Variants in MRPL1 observed in about 807,000 individuals in gnomAD.
MRPL1 encodes mitochondrial ribosomal protein L1.
MRPL1 carries 28 observed loss-of-function variants against 38.0 expected under a neutral mutation model. The ratio of observed to expected loss-of-function variants is 0.74; its 90% CI spans 0.55 to 1.01. The LOEUF is 1.01. Among genes scored for constraint, MRPL1 ranks in the 50% least tolerant of loss-of-function variants. MRPL1 has a pLI of 0.00. For missense variants in MRPL1, 358 were observed against 389.8 expected (o/e 0.92, Z 0.69); for synonymous variants, 123 against 126.7 (o/e 0.97, Z 0.20).
chr4:77,875,817 T>G (rs984917439), intron 2 of MRPL1, among the ~76,000 whole-genome samples: 29 of 152,104 alleles, frequency 1.9e-4, no homozygotes, highest in African/African-American at 7.0e-4. Flanking sequence ...TTCCTTTGAG[T>G]GTGAATAGTG....
intron 1 of MRPL1, among the ~76,000 whole-genome samples, chr4:77,870,343 C>T (rs997063347): frequency 1.3e-5 from 2 of 152,108 alleles, no homozygotes; most frequent in Non-Finnish European, 2.9e-5. Flanking sequence ...TGCCAAGCTT[C>T]GAATGGATAA....
chr4:77,948,583 T>C (rs564228711), intron 7 of MRPL1, among the ~76,000 whole-genome samples: 1 of 152,198 alleles, frequency 6.6e-6, no homozygotes, highest in African/African-American at 2.4e-5. Context: ...GGGTGTTGAA[T>C]AAATGCTGTT....
chr4:77,950,911 C>T (rs1737393898), intron 8 of MRPL1, among the ~76,000 whole-genome samples: 1 of 152,220 alleles, frequency 6.6e-6, no homozygotes, highest in Non-Finnish European at 1.5e-5. Flanking sequence ...CACTCTGTCA[C>T]CCAGGCTGGA....
At chr4:77,880,144 T>C (rs558616411) in intron 2 of MRPL1, among the ~76,000 whole-genome samples, 41 of 152,294 alleles carry the variant, frequency 2.7e-4, no homozygotes, top group African/African-American at 9.4e-4. Context: ...TATACAAGTT[T>C]TTCATTTCAC....
chr4:77,921,297 A>G (rs1057297156), intron 7 of MRPL1, among the ~76,000 whole-genome samples: 1 of 152,178 alleles, frequency 6.6e-6, no homozygotes, highest in African/African-American at 2.4e-5. Flanking sequence ...CAACTAGATC[A>G]CTTTCTAGTT....
At chr4:77,906,836 A>C (rs62302723) in intron 6 of MRPL1, 6 of 347,992 alleles carry the variant, frequency 1.7e-5, no homozygotes, top group Admixed American at 6.4e-5. Context: ...GTTTACTAGT[A>C]TACAATTTTA....
chr4:77,897,139 T>G (rs554626073), intron 6 of MRPL1, among the ~76,000 whole-genome samples: 4 of 152,208 alleles, frequency 2.6e-5, no homozygotes, highest in African/African-American at 9.6e-5. Context: ...CAGTCTCGGC[T>G]CACTGCAACC....
intron 7 of MRPL1, among the ~76,000 whole-genome samples, chr4:77,924,714 C>T (rs1354024885): frequency 1.3e-5 from 2 of 152,170 alleles, no homozygotes; most frequent in Admixed American, 6.5e-5. Flanking sequence ...CATTTTTACT[C>T]ATAGTCTATT....
chr4:77,927,790 A>G (rs1736749048), intron 7 of MRPL1, among the ~76,000 whole-genome samples: 1 of 152,168 alleles, frequency 6.6e-6, no homozygotes, highest in African/African-American at 2.4e-5. Context: ...AAAAAACTAT[A>G]GCCATATTAC....
intron 5 of MRPL1, among the ~76,000 whole-genome samples, chr4:77,892,781 C>G (rs1448777562): frequency 6.6e-6 from 1 of 152,188 alleles, no homozygotes; most frequent in Admixed American, 6.5e-5. Context: ...TTTTTCAATT[C>G]TAGCTCTGCC....
intron 6 of MRPL1, among the ~76,000 whole-genome samples, chr4:77,895,927 G>T (rs567472794): frequency 6.6e-6 from 1 of 152,160 alleles, no homozygotes; most frequent in South Asian, 2.1e-4. Flanking sequence ...AGTTGAATTT[G>T]ATGAAAATAT....
chr4:77,886,789 CT>C (rs71214375), intron 4 of MRPL1, among the ~76,000 whole-genome samples: 12,590 of 89,862 alleles, frequency 0.14, 361 homozygotes, highest in African/African-American at 0.24. Flanking sequence ...TTTGCATTTT[CT>C]TTTTTTTTTT....
chr4:77,941,082 A>G (rs1737116151), intron 7 of MRPL1, among the ~76,000 whole-genome samples: 1 of 152,154 alleles, frequency 6.6e-6, no homozygotes, highest in African/African-American at 2.4e-5. Flanking sequence ...CCTGGCCACC[A>G]TAGTGAAACC....
At chr4:77,941,670 A>G (rs1417226842) in intron 7 of MRPL1, among the ~76,000 whole-genome samples, 2 of 152,146 alleles carry the variant, frequency 1.3e-5, no homozygotes, top group African/African-American at 4.8e-5. Flanking sequence ...AAAGTATCAG[A>G]GTAGCCTTTA....
chr4:77,924,482 C>T (rs1055957118), intron 7 of MRPL1, among the ~76,000 whole-genome samples: 4 of 152,158 alleles, frequency 2.6e-5, no homozygotes, highest in Non-Finnish European at 4.4e-5. Flanking sequence ...TGCCTCCTCC[C>T]TTCATTCACG....
rs373565703 is a variant in MRPL1 at position 77,871,752 on chromosome 4, C to T, written c.40C>T (p.His14Tyr). The change falls in exon 2 of 9, where the codon CAT becomes TAT. Residue 14 changes from histidine (H) to tyrosine (Y), a missense_variant. His to Tyr is a moderately conservative substitution (Grantham distance 83, BLOSUM62 2). Coordinates refer to ENST00000315567, the MANE Select transcript of MRPL1 (RefSeq NM_020236.4). ...ATGTTTTTCCTTTCAAGCCTTGATA[C>T]ATCATCAAAGGCATAGCCTTTCCAA... The part of the protein sequence containing the change: ...AVRCMGRALI[H>Y]HQRHSLSKMV... 136 of 1,521,678 alleles carry T rather than the reference C, an allele frequency of 8.9e-5. No homozygotes were observed. The highest frequency in any genetic ancestry group is 1.7e-4 in the Middle Eastern group (1 of 5,862). The allele number at this position is 1,521,678 out of a possible 1,614,324, so 94.3% of individuals were successfully genotyped here.
chr4:77,884,244 CAAAAAAA>C (rs369596317), intron 3 of MRPL1, among the ~76,000 whole-genome samples: 1 of 89,126 alleles, frequency 1.1e-5, no homozygotes, highest in Non-Finnish European at 2.4e-5. Context: ...GACTCCATCT[CAAAAAAA>C]AAAAAAAAAG....
At chr4:77,883,611 C>G in intron 3 of MRPL1, 111 bp downstream of exon 3, 3 of 1,144,212 alleles carry the variant, frequency 2.6e-6, no homozygotes, top group Non-Finnish European at 3.6e-6. Flanking sequence ...GTCTTCTTGC[C>G]GTGTTGCCCA....
intron 6 of MRPL1, among the ~76,000 whole-genome samples, chr4:77,907,466 C>A (rs1248731416): frequency 6.6e-6 from 1 of 150,970 alleles, no homozygotes; most frequent in African/African-American, 2.4e-5. Flanking sequence ...TCTCATGGGT[C>A]TTTCTCTCTC....
Sources: allele counts gnomAD v4.1 joint callset (sites outside exome capture counted in the v4.1 genomes callset), GRCh38; gene constraint gnomAD v4.1.1; transcripts MANE v1.5; gene names NCBI Gene and HGNC (gene_info 2026-07-23, HGNC 2026-07-21).